The following DCC variants were observed in gnomAD, a reference collection of about 807,000 sequenced individuals.
DCC encodes netrin receptor DCC.
DCC carries 58 observed loss-of-function variants against 172.5 expected under a neutral mutation model. The ratio of observed to expected loss-of-function variants is 0.34; its 90% confidence interval spans 0.27 to 0.42. The LOEUF (loss-of-function observed/expected upper bound fraction) is 0.42. Among genes scored for constraint, DCC ranks in the 10% least tolerant of loss-of-function variants. The pLI is 1.00. For synonymous variants in DCC, 709 were observed against 644.5 expected, an observed-to-expected ratio of 1.10 and a Z score of -1.52; for missense variants, 1,740 against 1,791.0, an observed-to-expected ratio of 0.97 and a Z score of 0.51.
chr18:53,204,181 G>GA, intron 9 of DCC, among the ~76,000 whole-genome samples: 7 of 32,544 alleles, frequency 2.2e-4, no homozygotes, highest in Admixed American at 4.7e-4. Context: ...CCCCATTAGG[G>GA]AAAAAAGAAA....
chr18:53,356,790 C>A (rs1373679328), intron 15 of DCC, among the ~76,000 whole-genome samples: 3 of 152,154 alleles, frequency 2.0e-5, no homozygotes, highest in Non-Finnish European at 2.9e-5. Context: ...GTATTCTTCC[C>A]CATCAAACTC....
At chr18:53,423,187 GT>G (rs889880429) in intron 21 of DCC, among the ~76,000 whole-genome samples, 18 of 152,114 alleles carry the variant, frequency 1.2e-4, no homozygotes, top group African/African-American at 4.1e-4. Context: ...AGACATTTTT[GT>G]TTATACACTT....
chr18:52,536,246 G>C (rs1787740), intron 1 of DCC, among the ~76,000 whole-genome samples: 1 of 152,084 alleles, frequency 6.6e-6, no homozygotes, highest in Non-Finnish European at 1.5e-5. Context: ...GGCTTTCCTA[G>C]AGGGGAAGTG....
intron 7 of DCC, among the ~76,000 whole-genome samples, chr18:53,120,760 T>G (rs1325048431): frequency 6.6e-6 from 1 of 151,836 alleles, no homozygotes; most frequent in African/African-American, 2.4e-5. Flanking sequence ...AATCAGAGTT[T>G]CTAATCAATA....
intron 12 of DCC, among the ~76,000 whole-genome samples, chr18:53,258,492 G>T (rs1028447654): frequency 2.6e-5 from 4 of 152,150 alleles, no homozygotes; most frequent in Admixed American, 6.5e-5. Flanking sequence ...TCAGGAGCAG[G>T]TTGTTCAGTT....
intron 5 of DCC, among the ~76,000 whole-genome samples, chr18:53,061,519 AAAG>A (rs1368859335): frequency 3.0e-4 from 46 of 152,286 alleles, no homozygotes; most frequent in African/African-American, 9.4e-4. Flanking sequence ...TGGTACCAGG[AAAG>A]AAGAACTTAA....
At chr18:52,765,606 T>G (rs927600791) in intron 2 of DCC, among the ~76,000 whole-genome samples, 21 of 149,664 alleles carry the variant, frequency 1.4e-4, no homozygotes, top group African/African-American at 5.4e-4. Flanking sequence ...TGTCATTGCA[T>G]GGAGCATATT....
intron 5 of DCC, among the ~76,000 whole-genome samples, chr18:52,929,162 A>C (rs962446918): frequency 2.0e-5 from 3 of 152,060 alleles, no homozygotes; most frequent in Non-Finnish European, 4.4e-5. Context: ...TTCAACATCC[A>C]CACCCCAACC....
At chr18:52,492,368 A>C (rs2030544109) in intron 1 of DCC, among the ~76,000 whole-genome samples, 1 of 152,016 alleles carries the variant, frequency 6.6e-6, no homozygotes, top group African/African-American at 2.4e-5. Flanking sequence ...AGAGTGGTCA[A>C]CGAAGGTGTG....
chr18:52,484,021 CATT>C (rs1326966301), intron 1 of DCC, among the ~76,000 whole-genome samples: 3 of 151,966 alleles, frequency 2.0e-5, no homozygotes, highest in African/African-American at 7.3e-5. Flanking sequence ...ATTTTTGTAG[CATT>C]ATGCTCTGGG....
At chr18:53,377,993 G>A (rs1396326448) in intron 15 of DCC, among the ~76,000 whole-genome samples, 1 of 151,820 alleles carries the variant, frequency 6.6e-6, no homozygotes, top group Admixed American at 6.6e-5. Flanking sequence ...TTTAAGACGG[G>A]GTCTGGCTCT....
intron 12 of DCC, among the ~76,000 whole-genome samples, chr18:53,279,636 T>G (rs1036953519): frequency 3.8e-5 from 4 of 104,214 alleles, no homozygotes; most frequent in Non-Finnish European, 6.2e-5. Context: ...ACCCTAAAAC[T>G]TAAAGTATAA....
At chr18:53,073,880 G>C (rs2042688584) in intron 7 of DCC, among the ~76,000 whole-genome samples, 1 of 150,646 alleles carries the variant, frequency 6.6e-6, no homozygotes, top group Non-Finnish European at 1.5e-5. Context: ...TGGACAAAAG[G>C]AATATACTAA....
At chr18:52,582,486 T>C (rs908651764) in intron 1 of DCC, among the ~76,000 whole-genome samples, 15 of 152,202 alleles carry the variant, frequency 9.9e-5, no homozygotes, top group African/African-American at 3.4e-4. Context: ...CATCTTGGTT[T>C]ATAGTAGCAA....
intron 12 of DCC, among the ~76,000 whole-genome samples, chr18:53,299,794 A>G (rs1444875332): frequency 1.3e-5 from 2 of 152,180 alleles, no homozygotes; most frequent in African/African-American, 2.4e-5. Flanking sequence ...CTTTTGACTC[A>G]TGTTATCTCA....
intron 1 of DCC, among the ~76,000 whole-genome samples, chr18:52,749,059 G>A (rs968445972): frequency 2.0e-5 from 3 of 152,130 alleles, no homozygotes; most frequent in African/African-American, 7.2e-5. Flanking sequence ...AATTAGCCAG[G>A]TGTGGTGGCG....
intron 1 of DCC, among the ~76,000 whole-genome samples, chr18:52,446,469 C>A (rs1251028926): frequency 6.6e-6 from 1 of 152,170 alleles, no homozygotes; most frequent in South Asian, 2.1e-4. Flanking sequence ...TTCTCTAGAT[C>A]ATATCAGATT....
chr18:52,621,221 A>G (rs1260961932), intron 1 of DCC, among the ~76,000 whole-genome samples: 3 of 152,212 alleles, frequency 2.0e-5, no homozygotes, highest in Non-Finnish European at 4.4e-5. Context: ...AATTCAGCAA[A>G]CTGAATTAAT....
intron 2 of DCC, among the ~76,000 whole-genome samples, chr18:52,848,445 G>T (rs1404745342): frequency 6.6e-6 from 1 of 152,146 alleles, no homozygotes; most frequent in African/African-American, 2.4e-5. Flanking sequence ...ATGTCAGTAA[G>T]TAGTTACTTT....
Sources: allele counts gnomAD v4.1 joint callset (sites outside exome capture counted in the v4.1 genomes callset), GRCh38; gene constraint gnomAD v4.1.1; transcripts MANE v1.5; gene names NCBI Gene and HGNC (gene_info 2026-07-23, HGNC 2026-07-21).